CFAP46: variants seen among roughly 807,000 people sequenced by gnomAD.
The protein encoded by CFAP46 is cilia and flagella associated protein 46.
In CFAP46, 245 loss-of-function variants were observed where a neutral mutation model predicts 325.7. That is an observed-to-expected ratio of 0.75 (90% CI 0.68 to 0.84). The LOEUF (loss-of-function observed/expected upper bound fraction) is 0.84. Among genes scored for constraint, CFAP46 ranks in the 40% least tolerant of loss-of-function variants. The pLI is 0.00. For synonymous variants in CFAP46, 1,523 were observed against 1,495.9 expected, an observed-to-expected ratio of 1.02 and a Z score of -0.42; for missense variants, 3,346 against 3,543.0, an observed-to-expected ratio of 0.94 and a Z score of 1.41.
chr10:132,869,979 G>A lies in CFAP46; in HGVS notation c.4512-607C>T, dbSNP rs929096999. Among the ~76,000 whole-genome samples, 1 of 152,162 alleles carries A rather than the reference G, an allele frequency of 6.6e-6. No homozygotes were observed. Among genetic ancestry groups the A allele is most frequent in the Non-Finnish European group, 1.5e-5 (1 of 68,034 alleles). ...CATATTTTACAAATTGAAAGTCTGG[G>A]GCAGCCCTGAGCGACCAAGTCCATC... is the stretch of plus-strand genomic sequence containing the variant. On this transcript the variant is annotated intron_variant, in intron 32 of 57. Transcript: ENST00000368586. The surrounding 1 kb of genome is among the most constrained non-coding windows in gnomAD (Gnocchi z 6.2).
At chr10:132,897,093 A>G (rs1849330010) in intron 24 of CFAP46, among the ~76,000 whole-genome samples, 1 of 152,254 alleles carries the variant, frequency 6.6e-6, no homozygotes. Flanking sequence ...ACCTAATACC[A>G]TATGCAAAAC....
intron 25 of CFAP46, among the ~76,000 whole-genome samples, chr10:132,891,262 G>A (rs1372799699): frequency 6.6e-6 from 1 of 152,154 alleles, no homozygotes; most frequent in African/African-American, 2.4e-5. Flanking sequence ...CGACTGAATG[G>A]GCCCTCCTCT....
intron 50 of CFAP46, among the ~76,000 whole-genome samples, chr10:132,820,530 T>A (rs1215623308): frequency 3.7e-5 from 5 of 136,858 alleles, no homozygotes; most frequent in African/African-American, 1.1e-4. Flanking sequence ...ATGTGTGCTG[T>A]GTGTGCACTG....
rs1849781404 is a variant in CFAP46 at position 132,924,766 on chromosome 10, G to A, written c.1186C>T (p.Gln396Ter). ...CGCAGGTGGTGCCGCAGGTTGTGCT[G>A]CAGCAGGGGCAGGCAGGTGTTCCAC... Reference protein sequence around the residue: ...TQWNTCLPLLQHNLRHHLRKP... With the variant: ...TQWNTCLPLL The change falls in exon 11 of 58, where the codon CAG (glutamine) becomes TAG (stop). Residue 396 changes from glutamine (Q) to a stop codon, truncating the protein, a stop_gained. Coordinates refer to ENST00000368586, the MANE Select transcript of CFAP46 (RefSeq NM_001200049.3). LOFTEE classifies it high-confidence loss of function. 2.6e-6 allele frequency: 4 copies of A among 1,535,474 alleles called. No individual in the cohort carries two copies. The highest frequency in any genetic ancestry group is 1.2e-5 in the South Asian group (1 of 82,630).
chr10:132,821,915 G>T (rs1368851693), intron 50 of CFAP46, among the ~76,000 whole-genome samples: 1 of 146,634 alleles, frequency 6.8e-6, no homozygotes. Context: ...GTGCTGATGT[G>T]TGCTGTGTGT....
chr10:132,913,540 C>T (rs1010994741), intron 17 of CFAP46, among the ~76,000 whole-genome samples: 3 of 152,164 alleles, frequency 2.0e-5, no homozygotes, highest in African/African-American at 7.2e-5. Flanking sequence ...GTGCTCCTTG[C>T]GAGAATTGAA....
chr10:132,899,313 C>T (rs569947409), intron 23 of CFAP46, among the ~76,000 whole-genome samples, 192 bp from the exon 24 acceptor site: 1 of 152,296 alleles, frequency 6.6e-6, no homozygotes, highest in East Asian at 1.9e-4. Context: ...GGTCAGACCC[C>T]CACCAAGGCC....
At chr10:132,913,528 G>A (rs1052513619) in intron 17 of CFAP46, among the ~76,000 whole-genome samples, 1 of 152,208 alleles carries the variant, frequency 6.6e-6, no homozygotes, top group Non-Finnish European at 1.5e-5. Flanking sequence ...GATCTAGGCC[G>A]CGTGCTCCTT....
intron 44 of CFAP46, among the ~76,000 whole-genome samples, chr10:132,837,312 G>C (rs1177472268): frequency 9.8e-5 from 15 of 152,338 alleles, no homozygotes; most frequent in African/African-American, 3.4e-4. Flanking sequence ...TACATGTACA[G>C]ACACATGGAT....
rs529459318 is a variant in CFAP46, at chr10:132,815,243, A to G, written c.7118-329T>C. 5.9e-5 allele frequency among the ~76,000 whole-genome samples: 9 copies of G among 152,310 alleles called. No homozygotes were observed. In the South Asian group the frequency reaches 1.9e-3, roughly 32 times the overall value. ...TCACTGGTTCCAGGGCCTTCTGTAC[A>G]GGGATTTACAACCTGCCCCTTTCGA... is the stretch of plus-strand genomic sequence containing the variant. On this transcript the variant is annotated intron_variant, in intron 50 of 57. Transcript: ENST00000368586.
intron 39 of CFAP46, among the ~76,000 whole-genome samples, chr10:132,855,260 T>G (rs1417920364): frequency 6.6e-6 from 1 of 152,238 alleles, no homozygotes; most frequent in Non-Finnish European, 1.5e-5. Flanking sequence ...GGTTGAGCCG[T>G]TTGCACTATA....
chr10:132,857,880 T>C, intron 38 of CFAP46, 92 bp from the exon 39 acceptor site: 1 of 1,116,308 alleles, frequency 9.0e-7, no homozygotes. Flanking sequence ...TATATTTTAT[T>C]AGTGCTTAAA....
At chr10:132,900,167 G>A (rs1286698539) in intron 22 of CFAP46, among the ~76,000 whole-genome samples, 1 of 152,200 alleles carries the variant, frequency 6.6e-6, no homozygotes, top group Non-Finnish European at 1.5e-5. Context: ...AGGGACTTGT[G>A]CAGCAACAGA....
chr10:132,844,871 C>T (rs1848408616), intron 44 of CFAP46, among the ~76,000 whole-genome samples: 1 of 152,130 alleles, frequency 6.6e-6, no homozygotes. Flanking sequence ...GAGATGGGGT[C>T]TCACTATGTT....
intron 50 of CFAP46, among the ~76,000 whole-genome samples, chr10:132,823,343 C>T (rs1201830886): frequency 5.7e-5 from 5 of 87,984 alleles, no homozygotes; most frequent in South Asian, 5.2e-4. Flanking sequence ...CTGATGTGTG[C>T]TGTGTGTGCT....
In CFAP46 at chr10:132,876,466, T is replaced by C. The variant is rs1204532492; in HGVS notation, c.4362+346A>G. The stretch of plus-strand genomic sequence containing the variant: ...GTGCCACCCTCCCGACACCTGGATT[T>C]GAGCCCAGGGACACTGATTTTCGGC... On this transcript the variant is annotated intron_variant, in intron 31 of 57. Transcript: ENST00000368586. The surrounding 1 kb of genome is among the most constrained non-coding windows in gnomAD (Gnocchi z 4.1). 6.6e-6 allele frequency among the ~76,000 whole-genome samples: 1 copy of C among 152,228 alleles called. No individual in the cohort carries two copies. The highest frequency in any genetic ancestry group is 1.5e-5 in the Non-Finnish European group (1 of 68,040).
At chr10:132,910,503 G>A (rs553360042) in intron 19 of CFAP46, among the ~76,000 whole-genome samples, 71 of 146,714 alleles carry the variant, frequency 4.8e-4, no homozygotes, top group African/African-American at 1.8e-3. Context: ...CCTGGGCTGC[G>A]CCCCAGCTCC....
chr10:132,872,554 G>T, intron 32 of CFAP46, 122 bp downstream of exon 32: 2 of 1,094,730 alleles, frequency 1.8e-6, no homozygotes, highest in Non-Finnish European at 2.7e-6. Flanking sequence ...TTATTTACTT[G>T]GTGTTCAAGT....
At position 132,850,449 on chromosome 10, in the gene CFAP46, A is replaced by G; in HGVS notation, c.5764-17T>C. ...GAACCATTGCTTCGAAAAGACAGAC[A>G]TGTTACAGCTGCCACCCCAAGGGCA... On this transcript the variant is annotated splice_polypyrimidine_tract_variant and intron_variant, in intron 40 of 57. Transcript: ENST00000368586. 6.5e-7 allele frequency: 1 copy of G among 1,537,790 alleles called. No individual in the cohort carries two copies. The highest frequency in any genetic ancestry group is 8.8e-7 in the Non-Finnish European group (1 of 1,137,056).
Sources: gnomAD v4.1 joint callset for allele counts (sites outside exome capture counted in the v4.1 genomes callset) on GRCh38, gnomAD v4.1.1 for gene constraint, Gnocchi (gnomAD v3.1) non-coding constraint, MANE v1.5 for transcripts, NCBI Gene and HGNC (gene_info 2026-07-23, HGNC 2026-07-21) for gene names.